Variants in MTG2 observed in about 807,000 individuals in gnomAD.
MTG2 encodes the protein mitochondrial ribosome-associated GTPase 2.
MTG2 carries 23 observed loss-of-function variants against 28.6 expected under a neutral mutation model. The ratio of observed to expected loss-of-function variants is 0.80; its 90% CI spans 0.58 to 1.14. The LOEUF is 1.14. Among genes scored for constraint, MTG2 ranks in the 50% most tolerant of loss-of-function variants. The pLI, the probability that MTG2 is intolerant of heterozygous loss-of-function variation, is 0.00. For synonymous variants in MTG2, 260 were observed against 251.8 expected (o/e 1.03, Z -0.31); for missense variants, 539 against 552.0 (o/e 0.98, Z 0.24).
chr20:62,186,802 T>G lies in MTG2; in HGVS notation c.-6+3745T>G, dbSNP rs190978183. On this transcript the variant is annotated intron_variant, in intron 1 of 6. Transcript: ENST00000370823. Reference sequence around the variant, plus strand: ...CCTCGGCCTCCCAAAGTGCTGGGATTACAGGCATGAGCCACCGTGCCCAGC... The same window carrying G: ...CCTCGGCCTCCCAAAGTGCTGGGATGACAGGCATGAGCCACCGTGCCCAGC... 2.3e-3 allele frequency among the ~76,000 whole-genome samples: 347 copies of G among 152,186 alleles called. 1 individual carries two copies. Among genetic ancestry groups the G allele is most frequent in the Non-Finnish European group, 3.8e-3 (259 of 68,000 alleles).
intron 1 of MTG2, among the ~76,000 whole-genome samples, chr20:62,189,735 G>C (rs1256399083): frequency 7.0e-6 from 1 of 141,958 alleles, no homozygotes; most frequent in East Asian, 2.1e-4. Flanking sequence ...ATGCAATCTC[G>C]GCTCACTGCA....
At position 62,186,531 on chromosome 20, in the gene MTG2, T is replaced by G. The variant is rs201993354; in HGVS notation, c.-6+3474T>G. Among the ~76,000 whole-genome samples the G allele has an allele frequency of 3.5e-3, 223 of 64,610 alleles. 1 individual carries two copies. The highest frequency in any genetic ancestry group is 0.011 in the African/African-American group (177 of 15,446). 42.4% of individuals were successfully genotyped at this position (64,610 alleles called of 152,430 possible). On this transcript the variant is annotated intron_variant, in intron 1 of 6. Coordinates refer to ENST00000370823, the MANE Select transcript of MTG2 (RefSeq NM_015666.4). The stretch of plus-strand genomic sequence containing the variant: ...CTTCCCTGGGACTTTTTTTTTTGTT[T>G]TTTTTTTTTTTTTTTGAGATGGAGT...
chr20:62,200,420 A>G (rs1010266218), intron 6 of MTG2, among the ~76,000 whole-genome samples: 1 of 152,176 alleles, frequency 6.6e-6, no homozygotes, highest in African/African-American at 2.4e-5. Flanking sequence ...AATGTACTCT[A>G]CTAGATAGAT....
intron 1 of MTG2, among the ~76,000 whole-genome samples, chr20:62,192,952 A>G (rs1464404057): frequency 6.6e-6 from 1 of 152,222 alleles, no homozygotes; most frequent in African/African-American, 2.4e-5. Context: ...GTTACTTTCC[A>G]GAGCCTGGGT....
At position 62,202,165 on chromosome 20, in the gene MTG2, C is replaced by T. The variant is rs75901783; in HGVS notation, c.*1088C>T. The T allele has an allele frequency of 0.048, 7,265 of 151,294 alleles. 253 individuals carry two copies. Among genetic ancestry groups the T allele is most frequent in the South Asian group, 0.11 (497 of 4,698 alleles). 9.4% of individuals were successfully genotyped at this position (151,294 alleles called of 1,614,324 possible). ...CTTTGCAGTCAAGTACTGATGCATC[C>T]AAGCCAGGCCCATGCCTGGTGTCTC... On this transcript the variant is annotated 3_prime_UTR_variant, in exon 7 of 7. Coordinates refer to ENST00000370823, the MANE Select transcript of MTG2 (RefSeq NM_015666.4).
At chr20:62,187,859 C>G (rs986247136) in intron 1 of MTG2, among the ~76,000 whole-genome samples, 1 of 152,128 alleles carries the variant, frequency 6.6e-6, no homozygotes, top group African/African-American at 2.4e-5. Flanking sequence ...GCTTACTTTG[C>G]TCTTTCTGGT....
intron 1 of MTG2, among the ~76,000 whole-genome samples, chr20:62,189,067 A>G (rs2057904027): frequency 6.6e-6 from 1 of 152,098 alleles, no homozygotes; most frequent in African/African-American, 2.4e-5. Flanking sequence ...TCATGCTTGT[A>G]ATCTCAGCAC....
intron 1 of MTG2, among the ~76,000 whole-genome samples, chr20:62,190,758 C>T (rs1044142104): frequency 2.6e-5 from 4 of 152,228 alleles, no homozygotes; most frequent in Non-Finnish European, 5.9e-5. Context: ...CGGCGGCGGC[C>T]GCACAGGCAC....
intron 1 of MTG2, among the ~76,000 whole-genome samples, chr20:62,184,369 CA>C (rs11477749): frequency 0.25 from 37,410 of 146,894 alleles, 4,677 homozygotes; most frequent in East Asian, 0.44. Context: ...AAAACATACC[CA>C]AAAAAAAAAA....
At chr20:62,195,323 C>T (rs1175017610) in intron 2 of MTG2, among the ~76,000 whole-genome samples, 1 of 152,194 alleles carries the variant, frequency 6.6e-6, no homozygotes, top group Non-Finnish European at 1.5e-5. Flanking sequence ...AGTCGAAAGC[C>T]TGGTAATTGT....
chr20:62,196,893 G>A (rs777765356), intron 3 of MTG2, among the ~76,000 whole-genome samples: 18 of 151,740 alleles, frequency 1.2e-4, no homozygotes, highest in South Asian at 2.1e-4. Context: ...TTAGCTGGGC[G>A]TGGTGGTGGG....
chr20:62,195,083 C>T lies in MTG2; in HGVS notation c.205-719C>T, dbSNP rs62205890. ...CAGTGGCGGGTGCCTGTAGTCCCAG[C>T]TACTTAGGAGGCTGAGGCAGGAGAA... On this transcript the variant is annotated intron_variant, in intron 2 of 6. Transcript: ENST00000370823. 3.4e-3 allele frequency among the ~76,000 whole-genome samples: 522 copies of T among 152,022 alleles called. 16 individuals are homozygous for T. Among genetic ancestry groups the T allele is most frequent in the Middle Eastern group, 0.01 (3 of 292 alleles).
At chr20:62,189,471 A>G (rs1739593) in intron 1 of MTG2, among the ~76,000 whole-genome samples, 6,074 of 152,036 alleles carry the variant, frequency 0.04, 370 homozygotes, top group African/African-American at 0.13. Flanking sequence ...CACCATGCCC[A>G]GCTAATTCCT....
At chr20:62,186,664 G>A (rs2057855732) in intron 1 of MTG2, among the ~76,000 whole-genome samples, 1 of 152,028 alleles carries the variant, frequency 6.6e-6, no homozygotes, top group African/African-American at 2.4e-5. Flanking sequence ...GAGTAGCCGG[G>A]ACTACAGGCA....
Position 62,195,949 on chromosome 20 carries a change from G to A in MTG2, c.352G>A (p.Val118Ile). The change falls in exon 3 of 7, where the codon GTT (valine) becomes ATT (isoleucine). Residue 118 changes from valine (V) to isoleucine (I), a missense_variant and splice_region_variant. Coordinates refer to ENST00000370823, the MANE Select transcript of MTG2 (RefSeq NM_015666.4). ...CAACGGTGGACACGTCATTCTGAGA[G>A]GCAGGTGCCCTGGGGCAGTGCAGCG... ...GGNGGHVILR[V>I]DQQVKSLSSV... is the part of the protein sequence containing the mutation. 1 of 1,614,000 alleles carries A rather than the reference G, an allele frequency of 6.2e-7. No individual in the cohort carries two copies. Among genetic ancestry groups the A allele is most frequent in the South Asian group, 1.1e-5 (1 of 91,068 alleles).
intron 4 of MTG2, 31 bp from the exon 5 acceptor site, chr20:62,198,603 G>A (rs773338452): frequency 1.9e-6 from 3 of 1,606,202 alleles, no homozygotes; most frequent in Non-Finnish European, 2.6e-6. Flanking sequence ...TGCTGGTAGA[G>A]CTCAGCTGAT....
chr20:62,193,299 A>C, intron 1 of MTG2, 117 bp from the exon 2 acceptor site: 1 of 1,018,782 alleles, frequency 9.8e-7, no homozygotes, highest in Non-Finnish European at 1.5e-6. Flanking sequence ...TCATCAGTTC[A>C]CTTGTTTGTT....
chr20:62,183,471 C>T (rs918137386), intron 1 of MTG2, among the ~76,000 whole-genome samples: 2 of 152,242 alleles, frequency 1.3e-5, no homozygotes, highest in African/African-American at 2.4e-5. Flanking sequence ...TGGCAGTATA[C>T]AGTTGCACAA....
At chr20:62,191,131 T>G (rs377552138) in intron 1 of MTG2, among the ~76,000 whole-genome samples, 1 of 152,050 alleles carries the variant, frequency 6.6e-6, no homozygotes, top group East Asian at 1.9e-4. Context: ...AGTGCTGAAT[T>G]GGGAATGAGG....
Sources: allele counts gnomAD v4.1 joint callset (sites outside exome capture counted in the v4.1 genomes callset), GRCh38; gene constraint gnomAD v4.1.1; transcripts MANE v1.5; gene names NCBI Gene and HGNC (gene_info 2026-07-23, HGNC 2026-07-21).